The following PRELID2 variants were observed in gnomAD, a reference collection of about 807,000 sequenced individuals.
PRELID2 encodes PRELI domain-containing protein 2.
A neutral mutation model predicts 28.4 loss-of-function variants in PRELID2; 25 were observed. The observed-to-expected ratio is 0.88, with a 90% confidence interval of 0.64 to 1.23. The LOEUF (loss-of-function observed/expected upper bound fraction) is 1.23, where lower values mean the gene tolerates loss of function less well. PRELID2 is among the 50% of genes most tolerant of loss of function. The pLI, the probability that PRELID2 is intolerant of heterozygous loss-of-function variation, is 0.00. For missense variants in PRELID2, 201 were observed against 214.4 expected (o/e 0.94, Z 0.39); for synonymous variants, 76 against 71.6 (o/e 1.06, Z -0.31).
At chr5:145,353,385 C>T in the PRELID2 span, among the ~76,000 whole-genome samples, 1 of 151,976 alleles carries the variant, frequency 6.6e-6, no homozygotes, top group Non-Finnish European at 1.5e-5. Context: ...ATCGCTTGAA[C>T]CCAGGAGCCA....
chr5:145,371,304 T>C, the PRELID2 span, among the ~76,000 whole-genome samples: 2 of 152,140 alleles, frequency 1.3e-5, no homozygotes, highest in Non-Finnish European at 2.9e-5. Context: ...ACCTAGTTTA[T>C]TGAGAGTTTT....
chr5:145,368,382 T>C, the PRELID2 span, among the ~76,000 whole-genome samples: 3 of 152,100 alleles, frequency 2.0e-5, no homozygotes, highest in East Asian at 5.8e-4. Context: ...CTTCAGTTAA[T>C]GTCTTCAGTT....
intron 1 of PRELID2, among the ~76,000 whole-genome samples, chr5:145,592,136 G>GCCAGGC (rs1298423289): frequency 6.6e-6 from 1 of 152,178 alleles, no homozygotes; most frequent in African/African-American, 2.4e-5. Flanking sequence ...TGTTAAATCA[G>GCCAGGC]CCAGGCACGG....
At chr5:145,242,971 T>C in the PRELID2 span, among the ~76,000 whole-genome samples, 3 of 152,160 alleles carry the variant, frequency 2.0e-5, no homozygotes, top group African/African-American at 7.2e-5. Flanking sequence ...ATTTTCATTA[T>C]TCTATTTGAA....
chr5:145,583,019 G>A (rs1285223709), intron 1 of PRELID2, among the ~76,000 whole-genome samples: 1 of 152,112 alleles, frequency 6.6e-6, no homozygotes, highest in African/African-American at 2.4e-5. Flanking sequence ...TATCCCTAAT[G>A]AGCATCGACG....
chr5:145,315,122 T>G, the PRELID2 span, among the ~76,000 whole-genome samples: 1 of 141,222 alleles, frequency 7.1e-6, no homozygotes, highest in African/African-American at 2.6e-5. Context: ...CAGGCTGGAG[T>G]GCAATGGCGT....
At position 145,743,508 on chromosome 5, in the gene PRELID2, C is replaced by G. The variant is rs111439995; in HGVS notation, n.70+21423G>C. Among the ~76,000 whole-genome samples, 1,331 of 151,936 alleles carry G rather than the reference C, an allele frequency of 8.8e-3. 19 individuals carry two copies. Among genetic ancestry groups the G allele is most frequent in the African/African-American group, 0.031 (1,282 of 41,438 alleles). ...GGCAACCAAGGTATCCAGGTTCTCT[C>G]ATCAGAACTGACTAGGAGGCTGGCA... On this transcript the variant is annotated intron_variant and non_coding_transcript_variant, in intron 1 of 2. Coordinates refer to the PRELID2 transcript ENST00000510259.
intron 1 of PRELID2, chr5:145,834,838 C>T (rs1490771211): frequency 8.2e-6 from 2 of 243,242 alleles, no homozygotes; most frequent in African/African-American, 2.2e-5. Flanking sequence ...GGCCTCCCCT[C>T]GCTTTTAAGG....
chr5:145,819,630 A>G, intron 3 of PRELID2: 1 of 576,642 alleles, frequency 1.7e-6, no homozygotes. Context: ...GATCATTCTC[A>G]CCTAAGAGTA....
At chr5:145,363,815 A>T in the PRELID2 span, among the ~76,000 whole-genome samples, 2 of 152,052 alleles carry the variant, frequency 1.3e-5, no homozygotes, top group Non-Finnish European at 2.9e-5. Context: ...TTATGTTTAC[A>T]GCGTTCTGTT....
chr5:145,304,944 G>A, the PRELID2 span, among the ~76,000 whole-genome samples: 37,752 of 151,868 alleles, frequency 0.25, 5,096 homozygotes, highest in Non-Finnish European at 0.3. Context: ...AATATTTGTC[G>A]AACGAATAAA....
At chr5:145,742,572 C>T (rs1756865423) in intron 1 of PRELID2, among the ~76,000 whole-genome samples, 1 of 145,306 alleles carries the variant, frequency 6.9e-6, no homozygotes, top group Non-Finnish European at 1.5e-5. Context: ...GAAAACATAC[C>T]ATATCATAAT....
the PRELID2 span, among the ~76,000 whole-genome samples, chr5:145,351,483 A>G: frequency 4.6e-5 from 7 of 152,158 alleles, no homozygotes; most frequent in African/African-American, 1.7e-4. Flanking sequence ...ACAACCCCCA[A>G]GATTCAATTA....
At chr5:145,340,285 C>T in the PRELID2 span, among the ~76,000 whole-genome samples, 5 of 152,156 alleles carry the variant, frequency 3.3e-5, no homozygotes, top group Admixed American at 1.3e-4. Flanking sequence ...CCATAAGCAC[C>T]GGCCTGCCCA....
At chr5:145,588,009 G>A (rs1753177354) in intron 1 of PRELID2, among the ~76,000 whole-genome samples, 1 of 152,114 alleles carries the variant, frequency 6.6e-6, no homozygotes, top group African/African-American at 2.4e-5. Flanking sequence ...TGCTTACTAG[G>A]ATTTAGGTAC....
At chr5:145,414,181 G>A in the PRELID2 span, among the ~76,000 whole-genome samples, 1 of 152,186 alleles carries the variant, frequency 6.6e-6, no homozygotes, top group Non-Finnish European at 1.5e-5. Context: ...AACCGGTAGA[G>A]AACAGGACCA....
At chr5:145,658,215 A>G (rs1265789857) in intron 1 of PRELID2, among the ~76,000 whole-genome samples, 1 of 152,234 alleles carries the variant, frequency 6.6e-6, no homozygotes, top group Non-Finnish European at 1.5e-5. Context: ...GAACAAAAAA[A>G]TGTTAAAGGA....
At chr5:145,262,777 G>GA in the PRELID2 span, among the ~76,000 whole-genome samples, 96 of 147,460 alleles carry the variant, frequency 6.5e-4, no homozygotes, top group African/African-American at 2.1e-3. Context: ...ATAACACAAT[G>GA]AAAAAAAAAC....
intron 6 of PRELID2, 38 bp from the exon 7 acceptor site, chr5:145,760,563 A>G (rs1757426517): frequency 6.6e-6 from 1 of 152,190 alleles, no homozygotes. Context: ...CACCTCATAA[A>G]CATGTCTCAC....
Sources: allele counts gnomAD v4.1 joint callset (sites outside exome capture counted in the v4.1 genomes callset), GRCh38; gene constraint gnomAD v4.1.1; transcripts MANE v1.5; gene names NCBI Gene and HGNC (gene_info 2026-07-23, HGNC 2026-07-21).